Variants in UQCRC2 observed in about 807,000 individuals in gnomAD.
UQCRC2 encodes the protein cytochrome b-c1 complex subunit 2, mitochondrial.
In UQCRC2, 49 loss-of-function variants were observed where a neutral mutation model predicts 55.6. The ratio of observed to expected loss-of-function variants is 0.88; its 90% CI spans 0.70 to 1.12. UQCRC2 has a LOEUF of 1.12. Among genes scored for constraint, UQCRC2 ranks in the 50% most tolerant of loss-of-function variants. The pLI is 0.00. For missense variants in UQCRC2, 506 were observed against 547.8 expected (o/e 0.92, Z 0.76); for synonymous variants, 193 against 192.0 (o/e 1.01, Z -0.04).
At chr16:21,969,767 T>C (rs1898414474) in intron 8 of UQCRC2, among the ~76,000 whole-genome samples, 1 of 152,186 alleles carries the variant, frequency 6.6e-6, no homozygotes, top group Non-Finnish European at 1.5e-5. Context: ...CACTACCTAA[T>C]TTCAGGGTGT....
intron 13 of UQCRC2, among the ~76,000 whole-genome samples, chr16:21,981,088 A>T (rs1334955570): frequency 6.6e-6 from 1 of 152,220 alleles, no homozygotes; most frequent in African/African-American, 2.4e-5. Context: ...TAGCAGTTTC[A>T]TATGATCCAA....
Position 21,983,279 on chromosome 16 carries a change from G to A in UQCRC2, c.*108G>A. On this transcript the variant is annotated 3_prime_UTR_variant, in exon 14 of 14. Transcript: ENST00000268379. ...ATATCATTTGTCTTTTTTCCAGTGA[G>A]GTAAAATAAGGCATAAATGCAGGTA... 1 of 895,708 alleles carries A rather than the reference G, an allele frequency of 1.1e-6. No individual in the cohort carries two copies. The highest frequency in any genetic ancestry group is 2.6e-5 in the Admixed American group (1 of 38,262). 55.5% of individuals were successfully genotyped at this position (895,708 alleles called of 1,614,324 possible). A position where few individuals can be genotyped will look rare whatever the true frequency, so the allele number is the denominator to read the frequency against.
In UQCRC2 at chr16:21,983,072, G is replaced by C. The variant is rs541178433; in HGVS notation, c.1279-16G>C. 164 of 1,606,568 alleles carry C rather than the reference G, an allele frequency of 1.0e-4. No individual in the cohort carries two copies. In the Admixed American group the frequency reaches 2.8e-3, roughly 27 times the overall value. Reference sequence around the variant, plus strand: ...TTTATTTTTGTTAATTTTGTCTTTTGTTTGTTTCTTTAAAGGCGGCAAAGA... The same window carrying C: ...TTTATTTTTGTTAATTTTGTCTTTTCTTTGTTTCTTTAAAGGCGGCAAAGA... On this transcript the variant is annotated splice_polypyrimidine_tract_variant and intron_variant, in intron 13 of 13. Transcript: ENST00000268379.
At chr16:21,957,192 G>A (rs1898099562) in intron 1 of UQCRC2, 43 bp from the exon 2 acceptor site, 1 of 1,596,014 alleles carries the variant, frequency 6.3e-7, no homozygotes, top group Non-Finnish European at 8.6e-7. Context: ...ATAAAGCACT[G>A]TTCTTGTGAG....
intron 4 of UQCRC2, 57 bp from the exon 5 acceptor site, chr16:21,962,403 A>G: frequency 6.3e-7 from 1 of 1,595,788 alleles, no homozygotes; most frequent in Non-Finnish European, 8.6e-7. Flanking sequence ...GAAGATTATA[A>G]GGGAAAGCTT....
intron 1 of UQCRC2, among the ~76,000 whole-genome samples, chr16:21,955,061 A>AAC (rs1210417347): frequency 6.6e-6 from 1 of 151,234 alleles, no homozygotes; most frequent in Non-Finnish European, 1.5e-5. Flanking sequence ...TCTCAAAAAA[A>AAC]AAAAAAAAAA....
rs1898105441 is a variant in UQCRC2, at chr16:21,957,423, A to G, written c.124A>G (p.Lys42Glu). Reference sequence around the variant, plus strand: ...TACTTTATTTTAAATACAGTTTACCAAGTTACCAAATGGCTTGGTGATTGC... The same window carrying G: ...TACTTTATTTTAAATACAGTTTACCGAGTTACCAAATGGCTTGGTGATTGC... ...PPQPQDLEFT[K>E]LPNGLVIASL... The change falls in exon 3 of 14, where the codon AAG becomes GAG. Residue 42 changes from lysine to glutamate, a missense_variant. Lys to Glu is a moderately conservative substitution (Grantham distance 56, BLOSUM62 1). Coordinates refer to ENST00000268379, the MANE Select transcript of UQCRC2 (RefSeq NM_003366.4). The G allele has an allele frequency of 1.2e-6, 2 of 1,614,004 alleles. No individual in the cohort carries two copies. Among genetic ancestry groups the G allele is most frequent in the South Asian group, 2.2e-5 (2 of 91,076 alleles).
intron 9 of UQCRC2, 144 bp downstream of exon 9, chr16:21,971,764 A>G: frequency 7.6e-7 from 1 of 1,321,916 alleles, no homozygotes; most frequent in East Asian, 2.4e-5. Flanking sequence ...TATTTTGAGC[A>G]TATGTTTTGT....
intron 6 of UQCRC2, among the ~76,000 whole-genome samples, chr16:21,964,448 C>G (rs969112801): frequency 6.6e-6 from 1 of 152,182 alleles, no homozygotes; most frequent in African/African-American, 2.4e-5. Context: ...AAAGTCCAAA[C>G]AGCATATACG....
intron 13 of UQCRC2, among the ~76,000 whole-genome samples, chr16:21,981,995 C>G (rs977761286): frequency 6.6e-6 from 1 of 151,574 alleles, no homozygotes; most frequent in Admixed American, 6.6e-5. Flanking sequence ...TGCCCACCAC[C>G]ACGGCCGGCT....
chr16:21,965,841 A>G lies in UQCRC2; in HGVS notation c.612+336A>G, dbSNP rs577246868. On this transcript the variant is annotated intron_variant, in intron 7 of 13. Coordinates refer to ENST00000268379, the MANE Select transcript of UQCRC2 (RefSeq NM_003366.4). ...TTCTTCTAAACCGTTTTCTGTGTGT[A>G]TGTATCTTTTTTGTTTGTTTGTTTT... Among the ~76,000 whole-genome samples the G allele has an allele frequency of 2.6e-5, 4 of 152,204 alleles. No homozygotes were observed. In the East Asian group the frequency reaches 5.8e-4, roughly 22 times the overall value.
At chr16:21,969,601 A>G (rs1898409603) in intron 8 of UQCRC2, among the ~76,000 whole-genome samples, 1 of 152,206 alleles carries the variant, frequency 6.6e-6, no homozygotes, top group South Asian at 2.1e-4. Context: ...TTACAGAAAC[A>G]TTAGGTCAAG....
chr16:21,962,158 GTA>G (rs1898219742), intron 4 of UQCRC2: 1 of 312,692 alleles, frequency 3.2e-6, no homozygotes, highest in Non-Finnish European at 6.1e-6. Context: ...TACCTCATAA[GTA>G]GAATCATACA....
At chr16:21,961,623 A>AATTTATATAT (rs1466368671) in intron 4 of UQCRC2, among the ~76,000 whole-genome samples, 1 of 55,512 alleles carries the variant, frequency 1.8e-5, no homozygotes, top group Non-Finnish European at 5.2e-5. Context: ...TATAACATAA[A>AATTTATATAT]ATTTATATAT....
At chr16:21,962,374 C>G in intron 4 of UQCRC2, 86 bp from the exon 5 acceptor site, 1 of 1,497,176 alleles carries the variant, frequency 6.7e-7, no homozygotes, top group Non-Finnish European at 9.2e-7. Context: ...AATTTTCTTT[C>G]CAAAGGAATT....
At chr16:21,957,931 TTCTG>T (rs1898117908) in intron 3 of UQCRC2, among the ~76,000 whole-genome samples, 2 of 152,202 alleles carry the variant, frequency 1.3e-5, no homozygotes, top group African/African-American at 2.4e-5. Context: ...ATGGCCTTCC[TTCTG>T]TCTGTGTCCA....
Position 21,983,314 on chromosome 16 carries a change from A to T in UQCRC2, c.*143A>T, listed in dbSNP as rs1365070843. The T allele has an allele frequency of 3.0e-6, 2 of 670,456 alleles. No individual in the cohort carries two copies. Among genetic ancestry groups the T allele is most frequent in the African/African-American group, 3.7e-5 (2 of 53,798 alleles). 41.5% of individuals were successfully genotyped at this position (670,456 alleles called of 1,614,324 possible). ...GGCATAAATGCAGGTAATTATTCCC[A>T]GCTGACCTAAAGTCAATAAAACATT... On this transcript the variant is annotated 3_prime_UTR_variant, in exon 14 of 14. Coordinates refer to ENST00000268379, the MANE Select transcript of UQCRC2 (RefSeq NM_003366.4).
intron 1 of UQCRC2, among the ~76,000 whole-genome samples, chr16:21,956,783 C>T (rs1365443730): frequency 3.9e-5 from 6 of 152,078 alleles, no homozygotes; most frequent in Non-Finnish European, 5.9e-5. Flanking sequence ...TGCAGCTAGG[C>T]GGGGTGCAGT....
At chr16:21,957,666 G>T in intron 3 of UQCRC2, 100 bp downstream of exon 3, 3 of 1,454,906 alleles carry the variant, frequency 2.1e-6, no homozygotes, top group Admixed American at 2.4e-5. Flanking sequence ...TTGATTCCTT[G>T]ACCTGCCATA....
Sources: allele counts gnomAD v4.1 joint callset (sites outside exome capture counted in the v4.1 genomes callset), GRCh38; gene constraint gnomAD v4.1.1; transcripts MANE v1.5; gene names NCBI Gene and HGNC (gene_info 2026-07-23, HGNC 2026-07-21).